TENM2: variants seen among roughly 807,000 people sequenced by gnomAD.
TENM2 encodes the protein teneurin transmembrane protein 2.
TENM2 carries 52 observed loss-of-function variants against 245.2 expected under a neutral mutation model. That is an observed-to-expected ratio of 0.21 (90% CI 0.17 to 0.27). TENM2 has a LOEUF of 0.27. Ranked by LOEUF, TENM2 falls within the 10% of genes least tolerant of loss-of-function variation. TENM2 has a pLI of 1.00. For missense variants in TENM2, 3,046 were observed against 3,666.8 expected (o/e 0.83, Z 4.37); for synonymous variants, 1,363 against 1,438.9 (o/e 0.95, Z 1.19).
intron 3 of TENM2, among the ~76,000 whole-genome samples, chr5:167,936,098 A>G (rs920953467): frequency 3.3e-5 from 5 of 152,308 alleles, no homozygotes; most frequent in South Asian, 4.1e-4. Flanking sequence ...AGCAATTTCC[A>G]TTGATGAAAA....
chr5:168,221,137 A>G (rs941032805), intron 23 of TENM2, among the ~76,000 whole-genome samples: 1 of 151,970 alleles, frequency 6.6e-6, no homozygotes, highest in African/African-American at 2.4e-5. Flanking sequence ...AAAGAAAGAA[A>G]GAAAATGATT....
At chr5:167,696,379 G>C (rs1561681222) in intron 2 of TENM2, among the ~76,000 whole-genome samples, 1 of 152,138 alleles carries the variant, frequency 6.6e-6, no homozygotes. Flanking sequence ...GGTAAAGTAA[G>C]GTTAAAACTT....
At chr5:167,399,866 C>T (rs1047166973) in intron 2 of TENM2, among the ~76,000 whole-genome samples, 5 of 151,776 alleles carry the variant, frequency 3.3e-5, no homozygotes, top group South Asian at 2.1e-4. Flanking sequence ...GCTAGAAGAA[C>T]ATTGTTCTTG....
At chr5:167,506,887 A>C (rs936831603) in intron 2 of TENM2, among the ~76,000 whole-genome samples, 1 of 152,130 alleles carries the variant, frequency 6.6e-6, no homozygotes, top group East Asian at 1.9e-4. Context: ...ATCATCTTGA[A>C]CCTACTTTTT....
chr5:168,262,816 T>A, exon 29 of TENM2: 1 of 1,587,336 alleles, frequency 6.3e-7, no homozygotes, highest in Non-Finnish European at 8.6e-7. Context: ...GGTAACAAAA[T>A]AATCTGCTGC....
intron 2 of TENM2, among the ~76,000 whole-genome samples, chr5:167,608,992 G>A (rs1777255991): frequency 2.0e-5 from 2 of 101,284 alleles, no homozygotes; most frequent in Admixed American, 1.9e-4. Context: ...ATTAAATAAT[G>A]TAAAAAAATG....
Position 167,398,393 on chromosome 5 carries a change from T to C in TENM2, c.502+22920T>C, listed in dbSNP as rs113951579. On this transcript the variant is annotated intron_variant, in intron 2 of 28. Transcript: ENST00000518659. The stretch of plus-strand genomic sequence containing the variant: ...TTCTTTCTTCCTTTCTTTCTTTCTT[T>C]CTTTCTTTCTTTCTTTCTTTCTCTC... Among the ~76,000 whole-genome samples, 41 of 35,656 alleles carry C rather than the reference T, an allele frequency of 1.1e-3. 1 individual carries two copies. In the South Asian group the frequency reaches 0.022, roughly 19 times the overall value. The allele number at this position is 35,656 out of a possible 152,430, so 23.4% of individuals were successfully genotyped here.
chr5:168,201,354 A>G (rs1445764103), intron 17 of TENM2, among the ~76,000 whole-genome samples: 2 of 152,008 alleles, frequency 1.3e-5, no homozygotes, highest in African/African-American at 2.4e-5. Context: ...ATATATATAC[A>G]TATACATATA....
At chr5:167,324,024 CG>C (rs753096477) in intron 1 of TENM2, among the ~76,000 whole-genome samples, 2 of 152,156 alleles carry the variant, frequency 1.3e-5, no homozygotes, top group Non-Finnish European at 2.9e-5. Flanking sequence ...AGTTTGAATT[CG>C]TCTTAGCCGT....
chr5:168,069,296 G>T (rs1033994710), intron 7 of TENM2, among the ~76,000 whole-genome samples: 5 of 152,196 alleles, frequency 3.3e-5, no homozygotes, highest in Non-Finnish European at 7.3e-5. Flanking sequence ...AGTTACAGAA[G>T]TTCAATGTAT....
chr5:167,780,277 A>G (rs1167083788), intron 2 of TENM2, among the ~76,000 whole-genome samples: 1 of 152,164 alleles, frequency 6.6e-6, no homozygotes, highest in African/African-American at 2.4e-5. Context: ...ACTTAAATTT[A>G]TTTGTAACCT....
intron 1 of TENM2, among the ~76,000 whole-genome samples, chr5:167,303,722 A>G (rs1331562806): frequency 6.6e-6 from 1 of 152,136 alleles, no homozygotes; most frequent in Non-Finnish European, 1.5e-5. Flanking sequence ...TATCGAGACT[A>G]TGAATAGCTA....
At chr5:168,078,541 T>G (rs1791686195) in intron 7 of TENM2, among the ~76,000 whole-genome samples, 2 of 152,232 alleles carry the variant, frequency 1.3e-5, no homozygotes, top group African/African-American at 2.4e-5. Context: ...TAGGTTTTCT[T>G]CTAGGGTTTT....
chr5:167,141,282 G>A, the TENM2 span, among the ~76,000 whole-genome samples: 1 of 152,090 alleles, frequency 6.6e-6, no homozygotes, highest in African/African-American at 2.4e-5. Flanking sequence ...TAGCAGATGT[G>A]GCCTAAACTA....
chr5:167,940,960 C>T (rs902423462), intron 3 of TENM2, among the ~76,000 whole-genome samples: 2 of 152,218 alleles, frequency 1.3e-5, no homozygotes, highest in Admixed American at 6.5e-5. Flanking sequence ...TTATTTTCTC[C>T]GCCAAATCTG....
the TENM2 span, among the ~76,000 whole-genome samples, chr5:167,073,649 C>G: frequency 3.3e-5 from 5 of 152,248 alleles, no homozygotes; most frequent in South Asian, 1.0e-3. Context: ...GCACCTCACC[C>G]CACCAAATAA....
intron 7 of TENM2, among the ~76,000 whole-genome samples, chr5:168,089,908 C>G (rs1355625069): frequency 6.6e-6 from 1 of 152,142 alleles, no homozygotes; most frequent in East Asian, 1.9e-4. Flanking sequence ...CATAGATACT[C>G]TTATTTTCAG....
intron 2 of TENM2, among the ~76,000 whole-genome samples, chr5:167,525,863 T>C (rs960621211): frequency 6.6e-6 from 1 of 152,164 alleles, no homozygotes; most frequent in Non-Finnish European, 1.5e-5. Context: ...TCATTTGTTA[T>C]GTGACTTGGT....
the TENM2 span, among the ~76,000 whole-genome samples, chr5:167,112,947 G>C: frequency 5.3e-5 from 8 of 152,134 alleles, no homozygotes; most frequent in African/African-American, 1.9e-4. Flanking sequence ...CATAATAAGG[G>C]TAAAAGTGAG....
Sources: allele counts gnomAD v4.1 joint callset (sites outside exome capture counted in the v4.1 genomes callset), GRCh38; gene constraint gnomAD v4.1.1; transcripts MANE v1.5; gene names NCBI Gene and HGNC (gene_info 2026-07-23, HGNC 2026-07-21).